The following LARGE1 variants were observed in gnomAD, a reference collection of about 807,000 sequenced individuals.
LARGE1 encodes xylosyl- and glucuronyltransferase LARGE1.
A neutral mutation model predicts 87.6 loss-of-function variants in LARGE1; 43 were observed. That is an observed-to-expected ratio of 0.49 (90% confidence interval 0.38 to 0.63). The LOEUF (loss-of-function observed/expected upper bound fraction) is 0.63, where lower values mean the gene tolerates loss of function less well. Among genes scored for constraint, LARGE1 ranks in the 30% least tolerant of loss-of-function variants. The pLI is 0.00. For synonymous variants in LARGE1, 434 were observed against 394.6 expected, an observed-to-expected ratio of 1.10 and a Z score of -1.18; for missense variants, 802 against 1,000.2, an observed-to-expected ratio of 0.80 and a Z score of 2.67.
intron 7 of LARGE1, among the ~76,000 whole-genome samples, chr22:33,415,792 CAT>C (rs2066466135): frequency 6.6e-6 from 1 of 152,140 alleles, no homozygotes; most frequent in South Asian, 2.1e-4. Flanking sequence ...AGGGTCAAGA[CAT>C]AAATGGAGAC....
rs1265970116 is a variant in LARGE1, at chr22:33,384,314, A to G, written c.893-10T>C. On this transcript the variant is annotated splice_polypyrimidine_tract_variant and intron_variant, in intron 7 of 14. Transcript: ENST00000397394. Reference sequence around the variant, plus strand: ...AGTAACAGGATCACCCCTGGGCAACAGCACAGGATAAAAGAGAAAATTAAA... The same window carrying G: ...AGTAACAGGATCACCCCTGGGCAACGGCACAGGATAAAAGAGAAAATTAAA... 1.3e-6 allele frequency: 2 copies of G among 1,583,098 alleles called. No homozygotes were observed. The highest frequency in any genetic ancestry group is 2.7e-5 in the African/African-American group (2 of 74,262).
intron 5 of LARGE1, among the ~76,000 whole-genome samples, chr22:33,584,422 C>G (rs2078609137): frequency 6.6e-6 from 1 of 152,184 alleles, no homozygotes; most frequent in Non-Finnish European, 1.5e-5. Context: ...TCATCCCTGA[C>G]TATCCAGCTG....
chr22:33,318,166 C>G (rs1936358094), intron 10 of LARGE1, among the ~76,000 whole-genome samples: 1 of 147,486 alleles, frequency 6.8e-6, no homozygotes, highest in African/African-American at 2.5e-5. Flanking sequence ...ACCCAGGGGG[C>G]AGAGGTTGCA....
At chr22:33,764,231 C>A (rs550076551) in intron 1 of LARGE1, among the ~76,000 whole-genome samples, 1 of 152,160 alleles carries the variant, frequency 6.6e-6, no homozygotes, top group African/African-American at 2.4e-5. Context: ...ACAAGTATTG[C>A]CCAATATGCC....
intron 6 of LARGE1, among the ~76,000 whole-genome samples, chr22:33,454,901 G>A (rs1270967797): frequency 5.9e-5 from 9 of 152,128 alleles, no homozygotes; most frequent in Non-Finnish European, 1.3e-4. Flanking sequence ...ATCCACCCCT[G>A]TGACCTAATC....
chr22:33,623,120 C>A (rs900816971), intron 4 of LARGE1, among the ~76,000 whole-genome samples: 1 of 149,924 alleles, frequency 6.7e-6, no homozygotes, highest in African/African-American at 2.5e-5. Context: ...TGCAAAGGCC[C>A]TTTTCTAGAA....
chr22:33,321,665 G>A (rs866670800), intron 10 of LARGE1, among the ~76,000 whole-genome samples: 2 of 152,220 alleles, frequency 1.3e-5, no homozygotes, highest in Non-Finnish European at 2.9e-5. Context: ...ATGCGTGGGT[G>A]TGAGCGTGGG....
chr22:33,830,697 C>T (rs3819671), intron 1 of LARGE1, among the ~76,000 whole-genome samples: 99,049 of 152,050 alleles, frequency 0.65, 32,880 homozygotes, highest in African/African-American at 0.8. Flanking sequence ...TCTTGGCCCA[C>T]TCAGGCTACT....
chr22:33,118,764 C>T, the LARGE1 span, among the ~76,000 whole-genome samples: 3 of 152,242 alleles, frequency 2.0e-5, no homozygotes, highest in African/African-American at 7.2e-5. Flanking sequence ...TACTCAATAC[C>T]ACCTGATAAT....
intron 1 of LARGE1, among the ~76,000 whole-genome samples, chr22:33,812,476 C>CT (rs2086526213): frequency 6.6e-6 from 1 of 152,232 alleles, no homozygotes; most frequent in Non-Finnish European, 1.5e-5. Flanking sequence ...TCATTCAGGT[C>CT]TCCTAGGAAA....
chr22:33,913,538 T>G (rs1398999712), intron 1 of LARGE1, among the ~76,000 whole-genome samples: 1 of 151,848 alleles, frequency 6.6e-6, no homozygotes, highest in African/African-American at 2.4e-5. Context: ...GTCTTTGGTG[T>G]TTTTTTTGTT....
Position 33,787,832 on chromosome 22 carries a change from G to A in LARGE1, c.-82-26274C>T, listed in dbSNP as rs564133982. Among the ~76,000 whole-genome samples, 2 of 152,346 alleles carry A rather than the reference G, an allele frequency of 1.3e-5. 1 individual carries two copies. Among genetic ancestry groups the A allele is most frequent in the South Asian group, 4.1e-4 (2 of 4,834 alleles). ...TTCAGATAGCTTTTGGCTAGTAGCA[G>A]CATCTAGCCAGACTTGAACATGGTT... is the stretch of plus-strand genomic sequence containing the variant. On this transcript the variant is annotated intron_variant, in intron 1 of 14. Transcript: ENST00000397394.
chr22:33,180,276 G>A (rs1162966456), intron 11 of LARGE1, among the ~76,000 whole-genome samples: 1 of 152,112 alleles, frequency 6.6e-6, no homozygotes, highest in Non-Finnish European at 1.5e-5. Context: ...TGATAAAGTT[G>A]ATAAAATAAA....
At chr22:33,839,914 C>T (rs1236578434) in intron 1 of LARGE1, among the ~76,000 whole-genome samples, 1 of 152,176 alleles carries the variant, frequency 6.6e-6, no homozygotes. Flanking sequence ...AACGTGGGGG[C>T]TCCAGGCTTC....
intron 2 of LARGE1, among the ~76,000 whole-genome samples, chr22:33,696,178 T>C (rs2082240743): frequency 6.6e-6 from 1 of 152,140 alleles, no homozygotes; most frequent in Non-Finnish European, 1.5e-5. Flanking sequence ...AGTTTCATAG[T>C]CCAGCGATAA....
At chr22:33,701,370 A>G (rs73170531) in intron 2 of LARGE1, among the ~76,000 whole-genome samples, 11,193 of 152,268 alleles carry the variant, frequency 0.074, 449 homozygotes, top group Middle Eastern at 0.12. Context: ...AGAACAGTGC[A>G]TCCACTGCAA....
chr22:33,089,366 C>CTTA, the LARGE1 span, among the ~76,000 whole-genome samples: 1 of 63,350 alleles, frequency 1.6e-5, no homozygotes, highest in African/African-American at 7.5e-5. Context: ...TCTTCTTCTT[C>CTTA]TTCTCCTTCT....
chr22:33,450,565 A>C (rs986103244), intron 6 of LARGE1, among the ~76,000 whole-genome samples: 1 of 152,098 alleles, frequency 6.6e-6, no homozygotes, highest in Admixed American at 6.5e-5. Context: ...GTGAGCCAAG[A>C]TACTGCACTC....
intron 6 of LARGE1, among the ~76,000 whole-genome samples, chr22:33,466,901 G>A (rs5994753): frequency 0.035 from 5,255 of 152,170 alleles, 298 homozygotes; most frequent in African/African-American, 0.12. Flanking sequence ...TTAGCTGAGC[G>A]TGGTGGAGCA....
Sources: gnomAD v4.1 joint callset for allele counts (sites outside exome capture counted in the v4.1 genomes callset) on GRCh38, gnomAD v4.1.1 for gene constraint, MANE v1.5 for transcripts, NCBI Gene and HGNC (gene_info 2026-07-23, HGNC 2026-07-21) for gene names.